Variants in PCSK5 observed in about 807,000 individuals in gnomAD.
The protein encoded by PCSK5 is proprotein convertase subtilisin/kexin type 5.
A neutral mutation model predicts 233.2 loss-of-function variants in PCSK5; 129 were observed. The observed-to-expected ratio is 0.55, with a 90% CI of 0.48 to 0.64. PCSK5 has a LOEUF of 0.64. PCSK5 is among the 30% of genes least tolerant of loss of function. The pLI, the probability that PCSK5 is intolerant of heterozygous loss-of-function variation, is 0.00. For missense variants in PCSK5, 2,076 were observed against 2,430.1 expected (o/e 0.85, Z 3.06); for synonymous variants, 825 against 879.2 (o/e 0.94, Z 1.09).
At position 76,310,827 on chromosome 9, in the gene PCSK5, G is replaced by T. The variant is rs750515367; in HGVS notation, c.3860G>T (p.Gly1287Val). The T allele has an allele frequency of 6.2e-7, 1 of 1,606,684 alleles. No individual in the cohort carries two copies. The stretch of plus-strand genomic sequence containing the variant: ...GGCCACCCTCTCTTCCTCCATGAAG[G>T]CAGGTGCTACTCCAAGTGCCCGGAG... ...QPGHPLFLHE[G>V]RCYSKCPEGS... Residue 1287 changes from glycine (G) to valine (V), a missense_variant, in exon 30 of 38, where the codon GGC becomes GTC. Gly to Val is a moderately radical substitution (Grantham distance 109, BLOSUM62 -3). Coordinates refer to ENST00000674117, the MANE Select transcript of PCSK5 (RefSeq NM_001372043.1).
At chr9:76,106,843 C>T (rs187650031) in intron 8 of PCSK5, among the ~76,000 whole-genome samples, 6 of 152,316 alleles carry the variant, frequency 3.9e-5, no homozygotes, top group Admixed American at 6.5e-5. Context: ...AATGCCTGCT[C>T]AGTGTCTGGA....
intron 1 of PCSK5, among the ~76,000 whole-genome samples, chr9:75,911,158 G>T (rs1433511553): frequency 8.1e-6 from 1 of 123,700 alleles, no homozygotes; most frequent in African/African-American, 3.0e-5. Context: ...CATGAAACAA[G>T]AACTATTTTG....
chr9:76,356,525 A>T (rs1299211889), intron 37 of PCSK5, among the ~76,000 whole-genome samples: 1 of 152,180 alleles, frequency 6.6e-6, no homozygotes, highest in African/African-American at 2.4e-5. Flanking sequence ...TATTTATCTC[A>T]CAGTACCACA....
intron 13 of PCSK5, among the ~76,000 whole-genome samples, chr9:76,174,263 A>G (rs993857337): frequency 2.6e-5 from 4 of 152,016 alleles, no homozygotes; most frequent in East Asian, 1.9e-4. Flanking sequence ...GAGAACAAAG[A>G]GTTGTTCTGT....
intron 20 of PCSK5, among the ~76,000 whole-genome samples, chr9:76,219,085 G>A (rs117587016): frequency 1.8e-3 from 271 of 152,260 alleles, no homozygotes; most frequent in Non-Finnish European, 3.4e-3. Flanking sequence ...ACAAAGCTGC[G>A]ACCAGCTATC....
At chr9:76,214,107 C>T (rs981693925) in intron 20 of PCSK5, among the ~76,000 whole-genome samples, 1 of 152,146 alleles carries the variant, frequency 6.6e-6, no homozygotes, top group Non-Finnish European at 1.5e-5. Flanking sequence ...GATTTGAACA[C>T]TTGATTCTAC....
intron 2 of PCSK5, among the ~76,000 whole-genome samples, chr9:75,941,344 G>A (rs1272224910): frequency 6.6e-6 from 1 of 152,106 alleles, no homozygotes; most frequent in Non-Finnish European, 1.5e-5. Context: ...TGCACAATGA[G>A]GGTGGCTGTG....
chr9:75,956,011 A>G (rs1265321770), intron 2 of PCSK5, among the ~76,000 whole-genome samples: 2 of 152,202 alleles, frequency 1.3e-5, no homozygotes, highest in African/African-American at 4.8e-5. Flanking sequence ...CTCAAAGCAT[A>G]TTTAATAAAC....
chr9:76,362,508 T>TA lies in PCSK5; in HGVS notation c.*3591dup, dbSNP rs1178534515. ...TTTATCAATTCTGAATTTTCTCTCC[T>TA]AAAAATCAGCTCAATCTGTCTTTCT... On this transcript the variant is annotated 3_prime_UTR_variant, in exon 38 of 38. Coordinates refer to ENST00000674117, the MANE Select transcript of PCSK5 (RefSeq NM_001372043.1). Among the ~76,000 whole-genome samples, 2 of 152,176 alleles carry TA rather than the reference T, an allele frequency of 1.3e-5. No individual in the cohort carries two copies. The highest frequency in any genetic ancestry group is 2.9e-5 in the Non-Finnish European group (2 of 68,028).
intron 9 of PCSK5, among the ~76,000 whole-genome samples, chr9:76,112,304 T>G (rs905334640): frequency 6.6e-6 from 1 of 152,202 alleles, no homozygotes; most frequent in Non-Finnish European, 1.5e-5. Flanking sequence ...TACAAATTCT[T>G]GCTTTAAATG....
At chr9:75,915,940 T>C (rs1822968691) in intron 1 of PCSK5, among the ~76,000 whole-genome samples, 2 of 152,218 alleles carry the variant, frequency 1.3e-5, no homozygotes, top group African/African-American at 4.8e-5. Flanking sequence ...CTTCTAACTT[T>C]CTATTTTGTG....
Position 76,189,081 on chromosome 9 carries a change from T to C in PCSK5, c.2381-13T>C, listed in dbSNP as rs1271595751. ...TTTTATTTCTCGTTTCCTGTGTTTG[T>C]CTTGCTTTTAAGGGGCAGGAGCTGA... On this transcript the variant is annotated splice_polypyrimidine_tract_variant and intron_variant, in intron 18 of 37. Coordinates refer to ENST00000674117, the MANE Select transcript of PCSK5 (RefSeq NM_001372043.1). 1 of 1,611,374 alleles carries C rather than the reference T, an allele frequency of 6.2e-7. No homozygotes were observed. Among genetic ancestry groups the C allele is most frequent in the Admixed American group, 1.7e-5 (1 of 59,528 alleles).
intron 3 of PCSK5, among the ~76,000 whole-genome samples, chr9:76,007,494 G>C (rs1443825859): frequency 6.6e-6 from 1 of 152,102 alleles, no homozygotes; most frequent in Non-Finnish European, 1.5e-5. Flanking sequence ...AAGTCTCCTA[G>C]TTCAAAAGAA....
At chr9:76,097,452 G>A (rs1339881410) in intron 8 of PCSK5, among the ~76,000 whole-genome samples, 2 of 145,304 alleles carry the variant, frequency 1.4e-5, no homozygotes, top group East Asian at 4.1e-4. Context: ...TAGTAGAGAC[G>A]GGGGTGCATT....
At chr9:76,089,819 A>C (rs1831212447) in intron 7 of PCSK5, among the ~76,000 whole-genome samples, 1 of 152,210 alleles carries the variant, frequency 6.6e-6, no homozygotes, top group East Asian at 1.9e-4. Context: ...TGTATGATTT[A>C]ATTGGTAATC....
chr9:76,138,632 T>C (rs1823076977), intron 10 of PCSK5, among the ~76,000 whole-genome samples: 1 of 152,094 alleles, frequency 6.6e-6, no homozygotes, highest in Non-Finnish European at 1.5e-5. Context: ...TGTGAAGTTA[T>C]AATTATAATT....
At chr9:75,949,747 C>T (rs1003244716) in intron 2 of PCSK5, among the ~76,000 whole-genome samples, 3 of 151,974 alleles carry the variant, frequency 2.0e-5, no homozygotes, top group Admixed American at 6.6e-5. Flanking sequence ...AGAATGGTCT[C>T]GATATCTTGA....
chr9:76,180,894 G>GTT (rs33951103), intron 15 of PCSK5, among the ~76,000 whole-genome samples: 2 of 143,250 alleles, frequency 1.4e-5, no homozygotes, highest in African/African-American at 5.1e-5. Flanking sequence ...AAACAAGGAA[G>GTT]TTTTTTTTTT....
chr9:76,000,935 C>T (rs1357418788), intron 3 of PCSK5, among the ~76,000 whole-genome samples: 3 of 150,708 alleles, frequency 2.0e-5, no homozygotes, highest in African/African-American at 4.9e-5. Context: ...TTTTTAAACT[C>T]ATATTTAGAG....
Sources: allele counts gnomAD v4.1 joint callset (sites outside exome capture counted in the v4.1 genomes callset), GRCh38; gene constraint gnomAD v4.1.1; transcripts MANE v1.5; gene names NCBI Gene and HGNC (gene_info 2026-07-23, HGNC 2026-07-21).